STRN3: variants seen among roughly 807,000 people sequenced by gnomAD.
The protein encoded by STRN3 is striatin-3.
In STRN3, 29 loss-of-function variants were observed where a neutral mutation model predicts 95.6. The observed-to-expected ratio is 0.30, with a 90% CI of 0.23 to 0.41. STRN3 has a LOEUF of 0.41. Among genes scored for constraint, STRN3 ranks in the 10% least tolerant of loss-of-function variants. STRN3 has a pLI of 1.00. For synonymous variants in STRN3, 331 were observed against 357.6 expected, an observed-to-expected ratio of 0.93 and a Z score of 0.84; for missense variants, 890 against 972.1, an observed-to-expected ratio of 0.92 and a Z score of 1.12.
chr14:30,902,537 C>A lies in STRN3; in HGVS notation c.2136G>T (p.Thr712=). ...DRHIKFFDNK[T]GKMIHSMVAH... ...ATGAAAAGAAGACAATTTGCTTACC[C>A]GTTTTATTGTCAAAAAATTTGATGT... Residue 712 remains threonine (T), a splice_region_variant and synonymous_variant, in exon 16 of 18, where the codon ACG becomes ACT. Transcript: ENST00000357479. The A allele has an allele frequency of 6.3e-7, 1 of 1,576,380 alleles. No homozygotes were observed. The highest frequency in any genetic ancestry group is 1.2e-5 in the South Asian group (1 of 84,846).
intron 16 of STRN3, among the ~76,000 whole-genome samples, chr14:30,896,051 C>T (rs1896138724): frequency 6.6e-6 from 1 of 152,166 alleles, no homozygotes; most frequent in Admixed American, 6.5e-5. Context: ...AACCCCTGAC[C>T]ACTAATCGAC....
intron 10 of STRN3, among the ~76,000 whole-genome samples, chr14:30,912,498 T>C (rs1896636302): frequency 6.6e-6 from 1 of 152,188 alleles, no homozygotes; most frequent in South Asian, 2.1e-4. Flanking sequence ...ATTGCTGCAA[T>C]ACTTTACATG....
chr14:30,912,345 T>C, intron 10 of STRN3, 163 bp from the exon 11 acceptor site: 2 of 541,372 alleles, frequency 3.7e-6, no homozygotes, highest in Non-Finnish European at 3.0e-6. Flanking sequence ...CTAAAAAAAC[T>C]TTATCATTTA....
At chr14:30,924,383 G>A (rs1423462739) in intron 8 of STRN3, among the ~76,000 whole-genome samples, 2 of 139,464 alleles carry the variant, frequency 1.4e-5, no homozygotes, top group African/African-American at 5.4e-5. Flanking sequence ...CGTCTCCTGG[G>A]TTCAAGCGAT....
chr14:31,015,798 G>T (rs2139337309), intron 1 of STRN3, among the ~76,000 whole-genome samples: 1 of 152,258 alleles, frequency 6.6e-6, no homozygotes, highest in Admixed American at 6.5e-5. Flanking sequence ...GTTCCCAGCA[G>T]GCCTCTACAG....
In STRN3 at chr14:30,894,893, CT is replaced by C. The variant is rs34255465; in HGVS notation, c.*517del. 0.056 allele frequency: 40,919 copies of C among 726,484 alleles called. 64 individuals are homozygous for C. The highest frequency in any genetic ancestry group is 0.12 in the South Asian group (5,506 of 45,548). 45.0% of individuals were successfully genotyped at this position (726,484 alleles called of 1,614,324 possible). ...ATATTTTAAGTTAAATTTTCTTTTT[CT>C]TTTTTTTTTTTTTTAAAGCAAAATA... is the stretch of plus-strand genomic sequence containing the variant. On this transcript the variant is annotated 3_prime_UTR_variant, in exon 18 of 18. Coordinates refer to ENST00000357479, the MANE Select transcript of STRN3 (RefSeq NM_001083893.2).
intron 9 of STRN3, among the ~76,000 whole-genome samples, chr14:30,915,110 A>C (rs1896704755): frequency 6.6e-6 from 1 of 152,206 alleles, no homozygotes; most frequent in Non-Finnish European, 1.5e-5. Flanking sequence ...ATTCATGAGC[A>C]AATTTAAAAG....
At chr14:30,942,518 A>G (rs1489921377) in intron 5 of STRN3, among the ~76,000 whole-genome samples, 2 of 152,206 alleles carry the variant, frequency 1.3e-5, no homozygotes, top group Non-Finnish European at 2.9e-5. Flanking sequence ...GAGGCCCACA[A>G]ATTTGGCCCT....
At chr14:30,946,806 C>T (rs1373921766) in intron 5 of STRN3, among the ~76,000 whole-genome samples, 2 of 151,842 alleles carry the variant, frequency 1.3e-5, no homozygotes, top group Non-Finnish European at 2.9e-5. Context: ...GGTGAAACCC[C>T]GTGTCTACTA....
intron 8 of STRN3, among the ~76,000 whole-genome samples, chr14:30,921,071 T>TACAC (rs921860938): frequency 1.7e-5 from 2 of 116,580 alleles, no homozygotes; most frequent in Admixed American, 1.6e-4. Context: ...CACATACATA[T>TACAC]ACACACACAC....
chr14:30,948,921 C>T (rs1457916751), intron 4 of STRN3, among the ~76,000 whole-genome samples: 3 of 152,202 alleles, frequency 2.0e-5, no homozygotes, highest in Non-Finnish European at 4.4e-5. Flanking sequence ...ACCACTTGGT[C>T]TGAATGAACT....
intron 1 of STRN3, chr14:31,018,669 A>C (rs955506496): frequency 2.1e-6 from 1 of 468,052 alleles, no homozygotes; most frequent in Non-Finnish European, 4.2e-6. Flanking sequence ...CAGTTTCAGA[A>C]AACAGTTGGT....
At chr14:30,925,212 T>G (rs575539305) in intron 8 of STRN3, among the ~76,000 whole-genome samples, 1 of 124,920 alleles carries the variant, frequency 8.0e-6, no homozygotes, top group South Asian at 3.0e-4. Context: ...TAACCCCTTT[T>G]CCTCTTGCTG....
At position 30,981,823 on chromosome 14, in the gene STRN3, G is replaced by A. The variant is rs554295775; in HGVS notation, c.283-25581C>T. ...GATAAAAGAATTCCAGGCTGGGTGCGGTGGCTCACGCCTGAAATCCTAGCA... is the reference window on the plus strand; with the variant it reads ...GATAAAAGAATTCCAGGCTGGGTGCAGTGGCTCACGCCTGAAATCCTAGCA... On this transcript the variant is annotated intron_variant, in intron 1 of 17. Coordinates refer to ENST00000357479, the MANE Select transcript of STRN3 (RefSeq NM_001083893.2). Among the ~76,000 whole-genome samples the A allele has an allele frequency of 2.6e-4, 39 of 152,220 alleles. No homozygotes were observed. The East Asian group carries it at 2.9e-3, about 11-fold the overall frequency.
At chr14:30,975,242 T>C (rs1881035721) in intron 1 of STRN3, among the ~76,000 whole-genome samples, 1 of 151,114 alleles carries the variant, frequency 6.6e-6, no homozygotes, top group South Asian at 2.1e-4. Flanking sequence ...AATGAAATAA[T>C]GGCATTTGCA....
At chr14:31,006,130 A>AG (rs1882701249) in intron 1 of STRN3, among the ~76,000 whole-genome samples, 1 of 151,504 alleles carries the variant, frequency 6.6e-6, no homozygotes, top group African/African-American at 2.4e-5. Context: ...AAAAAAAAAA[A>AG]AAAAAAGAAA....
At chr14:30,899,263 C>A (rs1279994057) in intron 16 of STRN3, among the ~76,000 whole-genome samples, 1 of 152,214 alleles carries the variant, frequency 6.6e-6, no homozygotes, top group Non-Finnish European at 1.5e-5. Flanking sequence ...TCACTCACTA[C>A]CTAAGTCTTT....
At chr14:30,990,941 T>C (rs1483858557) in intron 1 of STRN3, among the ~76,000 whole-genome samples, 4 of 152,142 alleles carry the variant, frequency 2.6e-5, no homozygotes, top group Admixed American at 1.3e-4. Flanking sequence ...TCACAGCTGG[T>C]TGAACTCAAG....
chr14:30,900,509 G>A (rs944495079), intron 16 of STRN3, among the ~76,000 whole-genome samples: 3 of 151,640 alleles, frequency 2.0e-5, no homozygotes, highest in Non-Finnish European at 2.9e-5. Context: ...AGAACTTTGG[G>A]AGACTGAGGC....
Sources: gnomAD v4.1 joint callset for allele counts (sites outside exome capture counted in the v4.1 genomes callset) on GRCh38, gnomAD v4.1.1 for gene constraint, MANE v1.5 for transcripts, NCBI Gene and HGNC (gene_info 2026-07-23, HGNC 2026-07-21) for gene names.